The following PSMA1 variants were observed in gnomAD, a reference collection of about 807,000 sequenced individuals.
PSMA1 encodes the protein proteasome subunit alpha type-1.
A neutral mutation model predicts 38.4 loss-of-function variants in PSMA1; 3 were observed. The observed-to-expected ratio is 0.08, with a 90% CI of 0.04 to 0.20. The LOEUF (loss-of-function observed/expected upper bound fraction) is 0.20. Among genes scored for constraint, PSMA1 ranks in the 10% least tolerant of loss-of-function variants. PSMA1 has a pLI of 1.00. For synonymous variants in PSMA1, 101 were observed against 107.1 expected, an observed-to-expected ratio of 0.94 and a Z score of 0.35; for missense variants, 227 against 325.3, an observed-to-expected ratio of 0.70 and a Z score of 2.32.
intron 1 of PSMA1, among the ~76,000 whole-genome samples, chr11:14,625,969 G>C (rs557867636): frequency 1.3e-5 from 2 of 152,212 alleles, no homozygotes; most frequent in East Asian, 3.9e-4. Context: ...TCTACCTCCT[G>C]TACTGGATCT....
intron 2 of PSMA1, among the ~76,000 whole-genome samples, chr11:14,592,394 A>ATG (rs1353768420): frequency 3.6e-5 from 5 of 138,100 alleles, no homozygotes; most frequent in Non-Finnish European, 6.2e-5. Flanking sequence ...ATATATATAT[A>ATG]TTTTTTTTTT....
At chr11:14,554,896 CAGAT>C (rs1158086791) in intron 2 of PSMA1, among the ~76,000 whole-genome samples, 1 of 152,166 alleles carries the variant, frequency 6.6e-6, no homozygotes, top group Non-Finnish European at 1.5e-5. Flanking sequence ...ACTTGTTTGA[CAGAT>C]AGATTTGGAA....
At chr11:14,587,125 GCTGACACTAGTCTCAGATCCATT>G (rs1852355778) in intron 2 of PSMA1, among the ~76,000 whole-genome samples, 1 of 152,164 alleles carries the variant, frequency 6.6e-6, no homozygotes, top group African/African-American at 2.4e-5. Flanking sequence ...AAGGTAGCTT[GCTGACACTAGTCTCAGATCCATT>G]CCCACCCTTT....
intron 2 of PSMA1, among the ~76,000 whole-genome samples, chr11:14,526,518 A>G (rs890779841): frequency 2.7e-5 from 4 of 150,092 alleles, no homozygotes; most frequent in African/African-American, 9.8e-5. Context: ...GAGGCCCTCA[A>G]AATCACAAAC....
rs750720335 is a variant in PSMA1, at chr11:14,520,308, C to T, written c.-9G>A. 1 of 1,614,200 alleles carries T rather than the reference C, an allele frequency of 6.2e-7. No individual in the cohort carries two copies. The highest frequency in any genetic ancestry group is 8.5e-7 in the Non-Finnish European group (1 of 1,180,000). ...GGGATTCAACGTACCATGGTGGCGGCGCGGGCCTGGTTGCGGCCTCCAGCA... is the reference window on the plus strand; with the variant it reads ...GGGATTCAACGTACCATGGTGGCGGTGCGGGCCTGGTTGCGGCCTCCAGCA... On this transcript the variant is annotated 5_prime_UTR_variant, in exon 1 of 10. Transcript: ENST00000396394.
chr11:14,539,433 GA>G (rs1851746843), intron 2 of PSMA1, among the ~76,000 whole-genome samples: 2 of 149,358 alleles, frequency 1.3e-5, no homozygotes, highest in Non-Finnish European at 3.0e-5. Flanking sequence ...CGTGAACAAA[GA>G]AAAAAAAGAA....
intron 2 of PSMA1, among the ~76,000 whole-genome samples, chr11:14,546,132 T>TTCTC (rs556789029): frequency 1.3e-5 from 2 of 150,068 alleles, no homozygotes; most frequent in Middle Eastern, 6.8e-3. Context: ...AATTCTACCT[T>TTCTC]TCTCTCTCTC....
chr11:14,622,850 T>TA (rs1300820124), intron 1 of PSMA1, among the ~76,000 whole-genome samples: 1 of 152,208 alleles, frequency 6.6e-6, no homozygotes, highest in African/African-American at 2.4e-5. Flanking sequence ...TGCAGTGTCT[T>TA]ACGGCAAGTA....
intron 9 of PSMA1, among the ~76,000 whole-genome samples, chr11:14,505,561 TTTACTC>T (rs1851231949): frequency 6.6e-6 from 1 of 151,042 alleles, no homozygotes; most frequent in Admixed American, 6.6e-5. Context: ...TTTGTTTGCT[TTTACTC>T]TAACATTGTT....
chr11:14,554,686 C>T (rs1253488155), intron 2 of PSMA1, among the ~76,000 whole-genome samples: 1 of 152,132 alleles, frequency 6.6e-6, no homozygotes, highest in African/African-American at 2.4e-5. Flanking sequence ...CCATCAATAT[C>T]ACACTGTTTT....
chr11:14,603,440 C>G (rs932126596), intron 2 of PSMA1, among the ~76,000 whole-genome samples: 6 of 152,120 alleles, frequency 3.9e-5, no homozygotes, highest in Admixed American at 1.3e-4. Flanking sequence ...TTCTTTCAAG[C>G]AAAGGACCAC....
chr11:14,541,808 A>T (rs1851776223), intron 2 of PSMA1, among the ~76,000 whole-genome samples: 1 of 152,218 alleles, frequency 6.6e-6, no homozygotes, highest in Non-Finnish European at 1.5e-5. Context: ...TGGTCTATGC[A>T]TCAGGGCGGA....
At chr11:14,575,584 T>A (rs1852203102) in intron 2 of PSMA1, among the ~76,000 whole-genome samples, 1 of 152,220 alleles carries the variant, frequency 6.6e-6, no homozygotes, top group Non-Finnish European at 1.5e-5. Context: ...ACAAAGGACA[T>A]GAACTCATCC....
chr11:14,580,247 A>T (rs558002619), intron 2 of PSMA1, among the ~76,000 whole-genome samples: 82 of 151,396 alleles, frequency 5.4e-4, no homozygotes, highest in African/African-American at 1.9e-3. Flanking sequence ...ATCTCTCACC[A>T]CTCTCCCTCA....
chr11:14,603,524 A>C (rs1009897102), intron 2 of PSMA1, among the ~76,000 whole-genome samples: 1 of 152,234 alleles, frequency 6.6e-6, no homozygotes, highest in Non-Finnish European at 1.5e-5. Context: ...CCACTGACTC[A>C]AAGTGCTTAG....
intron 7 of PSMA1, 156 bp downstream of exon 7, chr11:14,513,414 T>A (rs1589978366): frequency 1.2e-6 from 1 of 817,424 alleles, no homozygotes; most frequent in East Asian, 3.3e-5. Flanking sequence ...TTAGTATATG[T>A]GACAGAAACA....
chr11:14,521,697 C>T (rs1463375292), upstream of PSMA1, among the ~76,000 whole-genome samples: 2 of 137,504 alleles, frequency 1.5e-5, no homozygotes, highest in African/African-American at 5.4e-5. Flanking sequence ...ACCCGGGAGG[C>T]GGAGGTTGCA....
chr11:14,564,375 T>C (rs1017650545), intron 2 of PSMA1, among the ~76,000 whole-genome samples: 5 of 152,256 alleles, frequency 3.3e-5, no homozygotes, highest in African/African-American at 9.6e-5. Flanking sequence ...GCATTGATAA[T>C]GTGTTCTTTT....
intron 2 of PSMA1, among the ~76,000 whole-genome samples, chr11:14,544,860 C>T (rs1851808949): frequency 6.6e-6 from 1 of 152,146 alleles, no homozygotes; most frequent in South Asian, 2.1e-4. Flanking sequence ...AACATATATC[C>T]ACCCAAAAAC....
Sources: allele counts gnomAD v4.1 joint callset (sites outside exome capture counted in the v4.1 genomes callset), GRCh38; gene constraint gnomAD v4.1.1; transcripts MANE v1.5; gene names NCBI Gene and HGNC (gene_info 2026-07-23, HGNC 2026-07-21).